The following LMBRD1 variants were observed in gnomAD, a reference collection of about 807,000 sequenced individuals.
LMBRD1 encodes lysosomal cobalamin transport escort protein LMBD1.
In LMBRD1, 64 loss-of-function variants were observed where a neutral mutation model predicts 74.8. The observed-to-expected ratio is 0.86, with a 90% CI of 0.70 to 1.05. LMBRD1 has a LOEUF of 1.05. Among genes scored for constraint, LMBRD1 ranks in the 50% least tolerant of loss-of-function variants. The pLI is 0.00. For synonymous variants in LMBRD1, 204 were observed against 216.3 expected (o/e 0.94, Z 0.50); for missense variants, 652 against 645.9 (o/e 1.01, Z -0.10).
rs1178204809 is a variant in LMBRD1 at position 69,674,506 on chromosome 6, C to CA, written c.*1651dup. Among the ~76,000 whole-genome samples the CA allele has an allele frequency of 6.6e-6, 1 of 151,904 alleles. No individual in the cohort carries two copies. Among genetic ancestry groups the CA allele is most frequent in the Non-Finnish European group, 1.5e-5 (1 of 67,976 alleles). On this transcript the variant is annotated 3_prime_UTR_variant, in exon 16 of 16. Coordinates refer to ENST00000649934, the MANE Select transcript of LMBRD1 (RefSeq NM_018368.4). ...ATCAAGTGTCTGCGGTGCCATTTGT[C>CA]AAAAAAATGAATGCAGAAGAAGGCT...
At chr6:69,707,263 G>A (rs922088923) in intron 9 of LMBRD1, among the ~76,000 whole-genome samples, 3 of 152,080 alleles carry the variant, frequency 2.0e-5, no homozygotes, top group African/African-American at 7.2e-5. Context: ...CTCTAATCCA[G>A]AAAGTTCTCT....
At chr6:69,693,662 A>T (rs1330880797) in intron 14 of LMBRD1, among the ~76,000 whole-genome samples, 2 of 151,982 alleles carry the variant, frequency 1.3e-5, no homozygotes. Flanking sequence ...TCATTTAGTC[A>T]AATGTTGTCA....
chr6:69,698,148 C>T (rs2149842984), intron 13 of LMBRD1, among the ~76,000 whole-genome samples: 1 of 152,098 alleles, frequency 6.6e-6, no homozygotes, highest in African/African-American at 2.4e-5. Flanking sequence ...CATGTACCTC[C>T]ATCATGATCA....
At chr6:69,712,314 A>T (rs1297159873) in intron 9 of LMBRD1, among the ~76,000 whole-genome samples, 11 of 152,194 alleles carry the variant, frequency 7.2e-5, no homozygotes, top group Admixed American at 7.2e-4. Context: ...CAAGAATTCA[A>T]GGCTGGCAAA....
At chr6:69,782,481 C>T (rs1765857172) in intron 2 of LMBRD1, among the ~76,000 whole-genome samples, 1 of 152,150 alleles carries the variant, frequency 6.6e-6, no homozygotes, top group Non-Finnish European at 1.5e-5. Context: ...CATCTGTAAT[C>T]CCAGCACTCT....
chr6:69,776,388 A>G (rs758020650), intron 3 of LMBRD1, among the ~76,000 whole-genome samples: 3 of 152,238 alleles, frequency 2.0e-5, no homozygotes, highest in Non-Finnish European at 4.4e-5. Context: ...GAAAACTAGC[A>G]TCTAAACTAG....
chr6:69,781,499 T>A (rs1157625695), intron 2 of LMBRD1, among the ~76,000 whole-genome samples: 1 of 152,200 alleles, frequency 6.6e-6, no homozygotes, highest in African/African-American at 2.4e-5. Context: ...TCTCTTAAGA[T>A]AATTAAGGAT....
At chr6:69,721,943 C>T (rs190050062) in intron 7 of LMBRD1, among the ~76,000 whole-genome samples, 1 of 152,088 alleles carries the variant, frequency 6.6e-6, no homozygotes, top group East Asian at 1.9e-4. Flanking sequence ...GGAACAGTGT[C>T]GATGGTGGCC....
intron 7 of LMBRD1, among the ~76,000 whole-genome samples, chr6:69,730,740 A>G (rs934504641): frequency 2.6e-5 from 4 of 152,158 alleles, no homozygotes; most frequent in Non-Finnish European, 4.4e-5. Context: ...GAGAATGAAG[A>G]TGCATCGGTA....
intron 3 of LMBRD1, among the ~76,000 whole-genome samples, chr6:69,755,753 G>C (rs1765254191): frequency 6.6e-6 from 1 of 152,094 alleles, no homozygotes; most frequent in Admixed American, 6.5e-5. Flanking sequence ...TAGCACAACA[G>C]ACTTGAGTAG....
At chr6:69,716,369 G>A (rs1328537498) in intron 8 of LMBRD1, among the ~76,000 whole-genome samples, 1 of 152,132 alleles carries the variant, frequency 6.6e-6, no homozygotes, top group Non-Finnish European at 1.5e-5. Context: ...CTAATGGTCA[G>A]TGATGTTGAG....
chr6:69,736,552 G>A (rs1389123637), intron 7 of LMBRD1, among the ~76,000 whole-genome samples: 1 of 152,104 alleles, frequency 6.6e-6, no homozygotes, highest in Non-Finnish European at 1.5e-5. Context: ...AATATCCTAG[G>A]TCCTTCATAG....
chr6:69,677,766 T>C lies in LMBRD1; in HGVS notation c.1418-1225A>G, dbSNP rs1192553411. The stretch of plus-strand genomic sequence containing the variant: ...AAGAAATAGGAAAATCATTATTTAC[T>C]GATGTGATTCCTGTTTGAACTTTAG... On this transcript the variant is annotated intron_variant, in intron 14 of 15. Coordinates refer to ENST00000649934, the MANE Select transcript of LMBRD1 (RefSeq NM_018368.4). Among the ~76,000 whole-genome samples, 8 of 152,118 alleles carry C rather than the reference T, an allele frequency of 5.3e-5. No individual in the cohort carries two copies. In the East Asian group the frequency reaches 1.5e-3, roughly 29 times the overall value.
chr6:69,700,730 G>C, intron 12 of LMBRD1, 35 bp downstream of exon 12: 2 of 1,327,452 alleles, frequency 1.5e-6, no homozygotes, highest in Non-Finnish European at 2.0e-6. Flanking sequence ...CACACAAAAT[G>C]ATGAGAAAAA....
chr6:69,719,401 T>TA (rs1319816639), intron 7 of LMBRD1, among the ~76,000 whole-genome samples: 3 of 152,048 alleles, frequency 2.0e-5, no homozygotes, highest in Admixed American at 6.6e-5. Context: ...TATAAATTAG[T>TA]AAAAAAATTT....
At chr6:69,791,916 C>A (rs1766097125) in intron 1 of LMBRD1, among the ~76,000 whole-genome samples, 1 of 152,160 alleles carries the variant, frequency 6.6e-6, no homozygotes, top group Non-Finnish European at 1.5e-5. Context: ...TGGTTAAGAC[C>A]CACTGGACCC....
At chr6:69,765,791 T>C (rs1396233658) in intron 3 of LMBRD1, among the ~76,000 whole-genome samples, 1 of 152,176 alleles carries the variant, frequency 6.6e-6, no homozygotes, top group Non-Finnish European at 1.5e-5. Context: ...CTTTAGTTTC[T>C]ATCAGCAATT....
At chr6:69,729,986 T>A (rs1766820949) in intron 7 of LMBRD1, among the ~76,000 whole-genome samples, 1 of 151,922 alleles carries the variant, frequency 6.6e-6, no homozygotes. Flanking sequence ...AAAAAGGCTA[T>A]CCTTTTCAGA....
intron 7 of LMBRD1, among the ~76,000 whole-genome samples, chr6:69,725,783 C>T (rs1485087405): frequency 6.6e-6 from 1 of 152,126 alleles, no homozygotes; most frequent in Non-Finnish European, 1.5e-5. Context: ...TATGAAACGA[C>T]TTCAAGAAAA....
Sources: allele counts gnomAD v4.1 joint callset (sites outside exome capture counted in the v4.1 genomes callset), GRCh38; gene constraint gnomAD v4.1.1; transcripts MANE v1.5; gene names NCBI Gene and HGNC (gene_info 2026-07-23, HGNC 2026-07-21).